The following UBE2E2 variants were observed in gnomAD, a reference collection of about 807,000 sequenced individuals.
UBE2E2 encodes ubiquitin-conjugating enzyme E2 E2.
UBE2E2 carries 6 observed loss-of-function variants against 24.7 expected under a neutral mutation model. The ratio of observed to expected loss-of-function variants is 0.24; its 90% confidence interval spans 0.13 to 0.48. The LOEUF is 0.48. UBE2E2 is among the 20% of genes least tolerant of loss of function. UBE2E2 has a pLI of 0.99. For missense variants in UBE2E2, 169 were observed against 245.0 expected (o/e 0.69, Z 2.07); for synonymous variants, 104 against 83.6 (o/e 1.24, Z -1.33).
intron 3 of UBE2E2, among the ~76,000 whole-genome samples, chr3:23,395,468 T>C (rs989055374): frequency 6.6e-6 from 1 of 152,206 alleles, no homozygotes; most frequent in Non-Finnish European, 1.5e-5. Context: ...AAGCTGTCTA[T>C]AAGTTATCCA....
intron 3 of UBE2E2, among the ~76,000 whole-genome samples, chr3:23,371,605 G>A (rs1198579167): frequency 6.6e-6 from 1 of 152,110 alleles, no homozygotes; most frequent in Non-Finnish European, 1.5e-5. Flanking sequence ...AATATATTGG[G>A]GATAGGTGCT....
rs553212781 is a variant in UBE2E2, at chr3:23,528,698, C to T, written c.361-3856C>T. 1.2e-4 allele frequency among the ~76,000 whole-genome samples: 18 copies of T among 152,290 alleles called. No homozygotes were observed. In the South Asian group the frequency reaches 2.5e-3, roughly 21 times the overall value. ...CTTCTGCGTATCTCTTAGGAATTTT[C>T]TCCTTTGCCCTCTTCCCTTTAGCAT... On this transcript the variant is annotated intron_variant, in intron 4 of 5. Transcript: ENST00000396703.
At chr3:23,360,403 GGATACAAA>G (rs1696081495) in intron 3 of UBE2E2, among the ~76,000 whole-genome samples, 1 of 152,054 alleles carries the variant, frequency 6.6e-6, no homozygotes, top group South Asian at 2.1e-4. Flanking sequence ...TGAATGCTGT[GGATACAAA>G]GATGAATAAA....
chr3:23,461,126 C>T (rs747973889), intron 3 of UBE2E2, among the ~76,000 whole-genome samples: 9 of 151,944 alleles, frequency 5.9e-5, no homozygotes, highest in African/African-American at 1.2e-4. Context: ...ATTTACACAC[C>T]GTCCACCATA....
At position 23,278,260 on chromosome 3, in the gene UBE2E2, T is replaced by TA. The variant is rs534888791; in HGVS notation, c.227+60949dup. 4.0e-3 allele frequency among the ~76,000 whole-genome samples: 609 copies of TA among 152,048 alleles called. 5 individuals carry two copies. The highest frequency in any genetic ancestry group is 5.6e-3 in the Non-Finnish European group (381 of 67,962). On this transcript the variant is annotated intron_variant, in intron 3 of 5. Transcript: ENST00000396703. Reference sequence around the variant, plus strand: ...ACAGTATTTATTAAGTTTTTCCTATTACTTAAGATTTCTAATTTAATTAAG... The same window carrying TA: ...ACAGTATTTATTAAGTTTTTCCTATTAACTTAAGATTTCTAATTTAATTAAG...
At position 23,583,553 on chromosome 3, in the gene UBE2E2, A is replaced by G. The variant is rs1272730174; in HGVS notation, c.509-6181A>G. On this transcript the variant is annotated intron_variant, in intron 5 of 5. Coordinates refer to ENST00000396703, the MANE Select transcript of UBE2E2 (RefSeq NM_152653.4). This position sits in a 1 kb window ranked among gnomAD's most constrained non-coding sequence, Gnocchi z 4.1. ...CATTTTAACAAACTTCTTCCTTTCC[A>G]TGAGCTTGGAATGTTTTTCCATTTG... 6.6e-6 allele frequency among the ~76,000 whole-genome samples: 1 copy of G among 152,112 alleles called. No individual in the cohort carries two copies. The highest frequency in any genetic ancestry group is 2.4e-5 in the African/African-American group (1 of 41,424).
chr3:23,485,976 T>C (rs1699359877), intron 3 of UBE2E2, among the ~76,000 whole-genome samples: 1 of 152,164 alleles, frequency 6.6e-6, no homozygotes, highest in South Asian at 2.1e-4. Flanking sequence ...ATGGGATCCT[T>C]CAGGTGTCGC....
intron 5 of UBE2E2, among the ~76,000 whole-genome samples, chr3:23,561,121 T>G (rs1364772507): frequency 6.6e-6 from 1 of 152,200 alleles, no homozygotes; most frequent in Non-Finnish European, 1.5e-5. Flanking sequence ...GCTTTTGGTG[T>G]TTTAGACATG....
At chr3:23,588,519 C>T (rs901398664) in intron 5 of UBE2E2, among the ~76,000 whole-genome samples, 137 of 151,072 alleles carry the variant, frequency 9.1e-4, no homozygotes, top group African/African-American at 3.0e-3. Flanking sequence ...TGGACTCAAG[C>T]GATCCTGCTG....
At chr3:23,225,975 G>A in intron 3 of UBE2E2, among the ~76,000 whole-genome samples, 1 of 152,090 alleles carries the variant, frequency 6.6e-6, no homozygotes, top group Non-Finnish European at 1.5e-5. Flanking sequence ...CGCCTCCCAG[G>A]TTCAAGCAAT....
intron 3 of UBE2E2, among the ~76,000 whole-genome samples, chr3:23,223,674 A>G (rs1168801989): frequency 6.6e-6 from 1 of 152,092 alleles, no homozygotes; most frequent in Non-Finnish European, 1.5e-5. Context: ...GAAGCTTTTT[A>G]GGTTGATGTA....
chr3:23,507,044 C>T (rs942513425), intron 4 of UBE2E2, among the ~76,000 whole-genome samples: 3 of 152,198 alleles, frequency 2.0e-5, no homozygotes, highest in Non-Finnish European at 2.9e-5. Flanking sequence ...CCACCCCGTC[C>T]ACAGAACAGT....
chr3:23,431,538 A>G (rs189084023), intron 3 of UBE2E2, among the ~76,000 whole-genome samples: 2 of 152,260 alleles, frequency 1.3e-5, no homozygotes, highest in Non-Finnish European at 2.9e-5. Flanking sequence ...GAGCTGTGGT[A>G]TATGTCAGCT....
At chr3:23,471,189 A>G (rs1699027509) in intron 3 of UBE2E2, among the ~76,000 whole-genome samples, 1 of 152,222 alleles carries the variant, frequency 6.6e-6, no homozygotes, top group South Asian at 2.1e-4. Flanking sequence ...CAAATTCTGA[A>G]CTAGACCTTG....
rs370861104 is a variant in UBE2E2, at chr3:23,499,645, T to G, written c.265T>G (p.Ser89Ala). The G allele has an allele frequency of 1.1e-5, 17 of 1,613,726 alleles. No homozygotes were observed. The highest frequency in any genetic ancestry group is 1.7e-5 in the Admixed American group (1 of 59,968). Residue 89 changes from serine to alanine, a missense_variant, in exon 4 of 6, where the codon TCA becomes GCA. By Grantham distance (99) the Ser-to-Ala change is moderately conservative. Around this residue, in one of 2 missense-constraint regions of UBE2E2, gnomAD observed 105 missense variants for 180.7 expected, o/e 0.58. Coordinates refer to ENST00000396703, the MANE Select transcript of UBE2E2 (RefSeq NM_152653.4). ...AGGAGACAACATTTATGAATGGAGG[T>G]CAACTATATTGGGACCCCCAGGATC... is the stretch of plus-strand genomic sequence containing the variant. ...PKGDNIYEWR[S>A]TILGPPGSVY... is the part of the protein sequence containing the mutation.
intron 3 of UBE2E2, among the ~76,000 whole-genome samples, chr3:23,355,843 A>T (rs935987214): frequency 3.9e-5 from 6 of 152,252 alleles, no homozygotes; most frequent in African/African-American, 1.4e-4. Context: ...GAGCATATAA[A>T]GCAGTCTATG....
intron 3 of UBE2E2, among the ~76,000 whole-genome samples, chr3:23,361,177 A>G (rs1696104494): frequency 6.6e-6 from 1 of 152,186 alleles, no homozygotes; most frequent in Non-Finnish European, 1.5e-5. Context: ...ATAAAAAATA[A>G]TAGATGTTGG....
chr3:23,485,972 T>A (rs1481911007), intron 3 of UBE2E2, among the ~76,000 whole-genome samples: 2 of 152,170 alleles, frequency 1.3e-5, no homozygotes, highest in Admixed American at 1.3e-4. Context: ...TGTCATGGGA[T>A]CCTTCAGGTG....
At chr3:23,325,894 A>G (rs1694878398) in intron 3 of UBE2E2, among the ~76,000 whole-genome samples, 1 of 152,210 alleles carries the variant, frequency 6.6e-6, no homozygotes, top group Non-Finnish European at 1.5e-5. Context: ...GGTTTGGGTG[A>G]TGAGTGATAT....
Sources: gnomAD v4.1 joint callset for allele counts (sites outside exome capture counted in the v4.1 genomes callset) on GRCh38, gnomAD v4.1.1 for gene constraint, gnomAD v4.1.1 regional missense constraint, Gnocchi (gnomAD v3.1) non-coding constraint, MANE v1.5 for transcripts, NCBI Gene and HGNC (gene_info 2026-07-23, HGNC 2026-07-21) for gene names.